LARP4: variants seen among roughly 807,000 people sequenced by gnomAD.
LARP4 encodes the protein La ribonucleoprotein 4.
Under a neutral mutation model 92.9 loss-of-function variants are expected in LARP4, and 29 were observed. The observed-to-expected ratio is 0.31, with a 90% CI of 0.23 to 0.43. The LOEUF is 0.43. Among genes scored for constraint, LARP4 ranks in the 20% least tolerant of loss-of-function variants. LARP4 has a pLI of 1.00. For missense variants in LARP4, 732 were observed against 860.0 expected, an observed-to-expected ratio of 0.85 and a Z score of 1.86; for synonymous variants, 279 against 284.1, an observed-to-expected ratio of 0.98 and a Z score of 0.18.
rs371027233 is a variant in LARP4, at chr12:50,461,178, A to C, written c.1165A>C (p.Thr389Pro). Reference sequence around the variant, plus strand: ...GTCATCTGGTGGTTCAGAACACTCAACAGAGGGCTCTGTATCCTTGGGGGA... The same window carrying C: ...GTCATCTGGTGGTTCAGAACACTCACCAGAGGGCTCTGTATCCTTGGGGGA... ...FRSSGGSEHSTEGSVSLGDGQ... is the reference protein window; with the variant it reads ...FRSSGGSEHSPEGSVSLGDGQ... The change falls in exon 11 of 16, where the codon ACA becomes CCA. Residue 389 changes from threonine (T) to proline (P), a missense_variant. By Grantham distance (38) the Thr-to-Pro change is conservative. Transcript: ENST00000398473. 1.9e-6 allele frequency: 3 copies of C among 1,613,994 alleles called. No homozygotes were observed. The highest frequency in any genetic ancestry group is 2.5e-6 in the Non-Finnish European group (3 of 1,180,018).
At chr12:50,421,506 G>A (rs1947788910) in intron 1 of LARP4, among the ~76,000 whole-genome samples, 1 of 151,922 alleles carries the variant, frequency 6.6e-6, no homozygotes. Flanking sequence ...GCCGGGCATG[G>A]TGGCACACGC....
chr12:50,411,574 C>T (rs1945906217), intron 1 of LARP4, among the ~76,000 whole-genome samples: 1 of 152,114 alleles, frequency 6.6e-6, no homozygotes, highest in Non-Finnish European at 1.5e-5. Flanking sequence ...GGTGATTCGC[C>T]TGCCTCAGCC....
chr12:50,462,535 A>G, intron 11 of LARP4, 47 bp from the exon 12 acceptor site: 1 of 982,032 alleles, frequency 1.0e-6, no homozygotes, highest in Non-Finnish European at 1.6e-6. Flanking sequence ...GAAACTTATG[A>G]CTTGTCCCTC....
At chr12:50,437,156 A>G (rs1045097159) in intron 5 of LARP4, among the ~76,000 whole-genome samples, 1 of 152,202 alleles carries the variant, frequency 6.6e-6, no homozygotes, top group Non-Finnish European at 1.5e-5. Flanking sequence ...ACTATTTGCT[A>G]CTATATTTAG....
At chr12:50,414,778 T>A (rs1946485000) in intron 1 of LARP4, among the ~76,000 whole-genome samples, 1 of 152,250 alleles carries the variant, frequency 6.6e-6, no homozygotes, top group South Asian at 2.1e-4. Context: ...TATTCCACAT[T>A]AAGAGATAGA....
chr12:50,441,512 A>G, intron 7 of LARP4, 78 bp from the exon 8 acceptor site: 3 of 1,080,350 alleles, frequency 2.8e-6, no homozygotes, highest in Non-Finnish European at 4.1e-6. Context: ...GTTTAATACT[A>G]AACTCTCAAC....
intron 1 of LARP4, among the ~76,000 whole-genome samples, chr12:50,413,455 TAAGA>T (rs890111958): frequency 1.3e-5 from 2 of 152,186 alleles, no homozygotes; most frequent in African/African-American, 4.8e-5. Context: ...CCATACTTTC[TAAGA>T]TTTTTTCTCC....
chr12:50,478,242 A>T lies in LARP4; in HGVS notation c.*2378A>T, dbSNP rs2139282655. ...ATAACCTTTAAAAATTTTCTCATTA[A>T]GACAATGTTTTTAATTTAATTTGCC... On this transcript the variant is annotated 3_prime_UTR_variant, in exon 16 of 16. Coordinates refer to ENST00000398473, the MANE Select transcript of LARP4 (RefSeq NM_052879.5). 1 of 152,256 alleles carries T rather than the reference A, an allele frequency of 6.6e-6. No homozygotes were observed. The highest frequency in any genetic ancestry group is 1.9e-4 in the East Asian group (1 of 5,194). The allele number at this position is 152,256 out of a possible 1,614,324, so 9.4% of individuals were successfully genotyped here.
At chr12:50,424,967 T>C (rs1948483570) in intron 1 of LARP4, among the ~76,000 whole-genome samples, 1 of 151,870 alleles carries the variant, frequency 6.6e-6, no homozygotes, top group African/African-American at 2.4e-5. Flanking sequence ...ACCAACATGG[T>C]GAAACCCTGT....
chr12:50,426,526 T>A lies in LARP4; in HGVS notation c.19-1236T>A, dbSNP rs12321739. On this transcript the variant is annotated intron_variant, in intron 1 of 15. Coordinates refer to ENST00000398473, the MANE Select transcript of LARP4 (RefSeq NM_052879.5). ...TCTGTAGAGAATTTTGAAACAATAATAAAGATGACTGAAAGGTATACGCTT... is the reference window on the plus strand; with the variant it reads ...TCTGTAGAGAATTTTGAAACAATAAAAAAGATGACTGAAAGGTATACGCTT... Among the ~76,000 whole-genome samples the A allele has an allele frequency of 2.1e-3, 313 of 152,072 alleles. 1 individual carries two copies. Among genetic ancestry groups the A allele is most frequent in the African/African-American group, 6.6e-3 (274 of 41,484 alleles).
intron 13 of LARP4, among the ~76,000 whole-genome samples, chr12:50,471,554 C>T (rs536844832): frequency 2.0e-5 from 3 of 152,096 alleles, no homozygotes; most frequent in Admixed American, 6.6e-5. Context: ...GATGGAGTGT[C>T]GCTCTGTCGC....
chr12:50,408,790 C>T (rs1945312825), intron 1 of LARP4, among the ~76,000 whole-genome samples: 1 of 152,170 alleles, frequency 6.6e-6, no homozygotes, highest in African/African-American at 2.4e-5. Flanking sequence ...ACTTTCTTTC[C>T]TGCTATACTA....
At chr12:50,434,662 G>A (rs1950162577) in intron 4 of LARP4, among the ~76,000 whole-genome samples, 1 of 151,334 alleles carries the variant, frequency 6.6e-6, no homozygotes, top group Non-Finnish European at 1.5e-5. Flanking sequence ...CCGCCTCGGC[G>A]TCCCAAAGTG....
intron 1 of LARP4, among the ~76,000 whole-genome samples, chr12:50,417,632 C>G (rs964191399): frequency 6.6e-6 from 1 of 152,190 alleles, no homozygotes; most frequent in African/African-American, 2.4e-5. Context: ...AAGCTTCTAG[C>G]AGCCATGAAA....
At chr12:50,407,690 A>C (rs953370560) in intron 1 of LARP4, among the ~76,000 whole-genome samples, 1 of 152,052 alleles carries the variant, frequency 6.6e-6, no homozygotes, top group African/African-American at 2.4e-5. Flanking sequence ...ACTAAAAATA[A>C]AAATATTATC....
intron 2 of LARP4, among the ~76,000 whole-genome samples, chr12:50,428,212 G>T (rs533390087): frequency 6.6e-6 from 1 of 152,062 alleles, no homozygotes; most frequent in African/African-American, 2.4e-5. Flanking sequence ...ATTTTTAGTA[G>T]AGATGGGGTT....
chr12:50,460,181 T>G (rs1023037537), intron 10 of LARP4, among the ~76,000 whole-genome samples: 6 of 151,870 alleles, frequency 4.0e-5, no homozygotes, highest in African/African-American at 1.5e-4. Flanking sequence ...CATAGACTCA[T>G]AAGCTTAAAA....
rs191165467 is a variant in LARP4 at position 50,407,610 on chromosome 12, C to T, written c.18+6582C>T. ...CTGTAATCCCAGAATTTTGGGAGGCCGAGGCAAGTGGATCACTTGAGGCCA... is the reference window on the plus strand; with the variant it reads ...CTGTAATCCCAGAATTTTGGGAGGCTGAGGCAAGTGGATCACTTGAGGCCA... On this transcript the variant is annotated intron_variant, in intron 1 of 15. Transcript: ENST00000398473. 1.2e-3 allele frequency among the ~76,000 whole-genome samples: 185 copies of T among 152,004 alleles called. 1 individual carries two copies. Among genetic ancestry groups the T allele is most frequent in the Admixed American group, 2.1e-3 (32 of 15,248 alleles).
chr12:50,429,079 A>G lies in LARP4; in HGVS notation c.311A>G (p.Tyr104Cys). The G allele has an allele frequency of 6.2e-7, 1 of 1,611,862 alleles. No homozygotes were observed. Among genetic ancestry groups the G allele is most frequent in the Admixed American group, 1.7e-5 (1 of 59,838 alleles). Reference sequence around the variant, plus strand: ...CCAGAAGATCTGAGTTACCAAATATATGATGTTTCCGGTAAACTTTATGGT... The same window carrying G: ...CCAGAAGATCTGAGTTACCAAATATGTGATGTTTCCGGTAAACTTTATGGT... Reference protein sequence around the residue: ...LGPEDLSYQIYDVSGESNSAV... With the variant: ...LGPEDLSYQICDVSGESNSAV... The change falls in exon 3 of 16, where the codon TAT becomes TGT. Residue 104 changes from tyrosine to cysteine, a missense_variant. By Grantham distance (194) the Tyr-to-Cys change is radical (BLOSUM62 -2). This residue lies in a region of LARP4 where 236 missense variants were observed against 307.6 expected (regional missense o/e 0.77). Transcript: ENST00000398473.
Sources: allele counts gnomAD v4.1 joint callset (sites outside exome capture counted in the v4.1 genomes callset), GRCh38; gene constraint gnomAD v4.1.1; regional missense constraint gnomAD v4.1.1; transcripts MANE v1.5; gene names NCBI Gene and HGNC (gene_info 2026-07-23, HGNC 2026-07-21).